Variants in RBFOX1 observed in about 807,000 individuals in gnomAD.
The protein encoded by RBFOX1 is RNA binding protein fox-1 homolog 1.
A neutral mutation model predicts 57.7 loss-of-function variants in RBFOX1; 8 were observed. The ratio of observed to expected loss-of-function variants is 0.14; its 90% confidence interval spans 0.08 to 0.25. The LOEUF (loss-of-function observed/expected upper bound fraction) is 0.25. Among genes scored for constraint, RBFOX1 ranks in the 10% least tolerant of loss-of-function variants. The pLI, the probability that RBFOX1 is intolerant of heterozygous loss-of-function variation, is 1.00. For missense variants in RBFOX1, 611 were observed against 548.5 expected, an observed-to-expected ratio of 1.11 and a Z score of -1.14; for synonymous variants, 326 against 222.4, an observed-to-expected ratio of 1.47 and a Z score of -4.15.
intron 3 of RBFOX1, among the ~76,000 whole-genome samples, chr16:6,843,305 G>A (rs1449502540): frequency 6.6e-6 from 1 of 151,994 alleles, no homozygotes; most frequent in Non-Finnish European, 1.5e-5. Flanking sequence ...TGGCCATGGT[G>A]GTCTTCTGGA....
At chr16:7,314,555 T>C (rs980228081) in intron 4 of RBFOX1, among the ~76,000 whole-genome samples, 2 of 152,208 alleles carry the variant, frequency 1.3e-5, no homozygotes, top group Non-Finnish European at 2.9e-5. Context: ...ATGCGATCTG[T>C]CTTAGGTGTT....
intron 4 of RBFOX1, among the ~76,000 whole-genome samples, chr16:7,297,997 A>G (rs1048612033): frequency 1.3e-5 from 2 of 152,198 alleles, no homozygotes; most frequent in African/African-American, 2.4e-5. Flanking sequence ...ATGTTTTTAA[A>G]GAATCGTAGA....
At chr16:7,258,704 C>G (rs1024384618) in intron 4 of RBFOX1, among the ~76,000 whole-genome samples, 8 of 152,116 alleles carry the variant, frequency 5.3e-5, no homozygotes, top group African/African-American at 1.9e-4. Flanking sequence ...GGTTGCTGTT[C>G]TATTAGAGCC....
chr16:7,222,379 C>G (rs190947915), intron 4 of RBFOX1, among the ~76,000 whole-genome samples: 160 of 152,302 alleles, frequency 1.1e-3, no homozygotes, highest in African/African-American at 3.7e-3. Context: ...TGAATACATT[C>G]CTCAGCAACT....
intron 3 of RBFOX1, among the ~76,000 whole-genome samples, chr16:5,616,765 C>A (rs1467717154): frequency 6.7e-6 from 1 of 148,226 alleles, no homozygotes; most frequent in African/African-American, 2.5e-5. Flanking sequence ...CCTGTCCCCC[C>A]TTCTCCCCTA....
At chr16:6,758,905 G>T (rs2076197844) in intron 3 of RBFOX1, among the ~76,000 whole-genome samples, 1 of 152,060 alleles carries the variant, frequency 6.6e-6, no homozygotes, top group African/African-American at 2.4e-5. Context: ...GGTGACATGT[G>T]TTCAGGGAGT....
At chr16:6,318,302 T>G (rs2081352758) in intron 2 of RBFOX1, among the ~76,000 whole-genome samples, 2 of 152,224 alleles carry the variant, frequency 1.3e-5, no homozygotes, top group African/African-American at 4.8e-5. Flanking sequence ...CATCTATCTT[T>G]TCATGCCTTT....
intron 3 of RBFOX1, among the ~76,000 whole-genome samples, chr16:5,670,660 C>T (rs896593536): frequency 1.1e-4 from 17 of 152,160 alleles, no homozygotes; most frequent in East Asian, 3.8e-4. Context: ...TACTCATGTG[C>T]GGTTTAAACT....
Position 7,086,359 on chromosome 16 carries a change from CT to C in RBFOX1, c.27+34262del, listed in dbSNP as rs567420267. Among the ~76,000 whole-genome samples the C allele has an allele frequency of 4.6e-5, 7 of 152,230 alleles. No individual in the cohort carries two copies. The South Asian group carries it at 8.3e-4, about 18-fold the overall frequency. On this transcript the variant is annotated intron_variant, in intron 4 of 15. Transcript: ENST00000550418. ...CCTGAGCAAGAGATAATATTTCCCC[CT>C]CTCCCCTTCTGTACATTGTATGTTT...
intron 2 of RBFOX1, among the ~76,000 whole-genome samples, chr16:6,471,595 A>T (rs1358255499): frequency 1.4e-5 from 2 of 141,220 alleles, no homozygotes; most frequent in South Asian, 2.3e-4. Flanking sequence ...AAAAAAAAAA[A>T]CCTCTAGTGG....
At chr16:5,978,507 T>C (rs1022671831) in intron 4 of RBFOX1, among the ~76,000 whole-genome samples, 1 of 152,176 alleles carries the variant, frequency 6.6e-6, no homozygotes, top group Non-Finnish European at 1.5e-5. Flanking sequence ...GCTATATTAC[T>C]ATTAAGGCCA....
chr16:5,375,156 A>G (rs1779143411), intron 1 of RBFOX1, among the ~76,000 whole-genome samples: 1 of 151,748 alleles, frequency 6.6e-6, no homozygotes, highest in South Asian at 2.1e-4. Flanking sequence ...ATAGAGTTAA[A>G]CCGATCTCTT....
chr16:5,974,769 G>C, intron 4 of RBFOX1, among the ~76,000 whole-genome samples: 1 of 152,150 alleles, frequency 6.6e-6, no homozygotes. Flanking sequence ...AGCACTTTGG[G>C]AGGCAGAGGT....
chr16:7,235,319 A>C (rs1282685359), intron 4 of RBFOX1, among the ~76,000 whole-genome samples: 1 of 152,212 alleles, frequency 6.6e-6, no homozygotes, highest in African/African-American at 2.4e-5. Context: ...AACCAGTGTG[A>C]CCATTCCCTA....
At chr16:6,163,822 A>T (rs1033257988) in intron 1 of RBFOX1, among the ~76,000 whole-genome samples, 2 of 152,176 alleles carry the variant, frequency 1.3e-5, no homozygotes, top group Non-Finnish European at 2.9e-5. Context: ...ATCTTAATTA[A>T]ATGCAAGGGG....
intron 3 of RBFOX1, among the ~76,000 whole-genome samples, chr16:5,763,968 C>G (rs1442427347): frequency 6.6e-6 from 1 of 152,348 alleles, no homozygotes; most frequent in East Asian, 1.9e-4. Context: ...ACTCGTCTAT[C>G]TCCTATGCTA....
At chr16:7,077,299 G>A (rs1488441961) in intron 4 of RBFOX1, among the ~76,000 whole-genome samples, 1 of 152,212 alleles carries the variant, frequency 6.6e-6, no homozygotes, top group Non-Finnish European at 1.5e-5. Context: ...CATCGGTGAT[G>A]TCCATGTGTA....
At chr16:7,536,711 C>G (rs1357357207) in intron 5 of RBFOX1, among the ~76,000 whole-genome samples, 1 of 152,212 alleles carries the variant, frequency 6.6e-6, no homozygotes, top group African/African-American at 2.4e-5. Flanking sequence ...TGGAAGCCAG[C>G]TCTTAATGGC....
chr16:5,610,167 C>G (rs1567294613), intron 3 of RBFOX1: 6 of 152,176 alleles, frequency 3.9e-5, no homozygotes, highest in Non-Finnish European at 1.5e-5. Context: ...TGTCCCGTTA[C>G]CATCAGTCTG....
Sources: gnomAD v4.1 joint callset for allele counts (sites outside exome capture counted in the v4.1 genomes callset) on GRCh38, gnomAD v4.1.1 for gene constraint, MANE v1.5 for transcripts, NCBI Gene and HGNC (gene_info 2026-07-23, HGNC 2026-07-21) for gene names.